Variants in CAMK2G observed in about 807,000 individuals in gnomAD.
The protein encoded by CAMK2G is calcium/calmodulin-dependent protein kinase type II subunit gamma.
In CAMK2G, 23 loss-of-function variants were observed where a neutral mutation model predicts 88.7. The observed-to-expected ratio is 0.26, with a 90% CI of 0.19 to 0.37. The LOEUF is 0.37. CAMK2G is among the 10% of genes least tolerant of loss of function. The pLI, the probability that CAMK2G is intolerant of heterozygous loss-of-function variation, is 1.00. For synonymous variants in CAMK2G, 263 were observed against 294.8 expected (o/e 0.89, Z 1.11); for missense variants, 476 against 780.8 (o/e 0.61, Z 4.65).
At chr10:73,837,625 TCCCGAAA>T in intron 13 of CAMK2G, 114 bp from the exon 14 acceptor site, 1 of 858,094 alleles carries the variant, frequency 1.2e-6, no homozygotes, top group Non-Finnish European at 2.0e-6. Flanking sequence ...GCCAAGGGTC[TCCCGAAA>T]CCCCCAAAAG....
At chr10:73,826,159 A>G (rs888859213) in intron 15 of CAMK2G, among the ~76,000 whole-genome samples, 8 of 152,166 alleles carry the variant, frequency 5.3e-5, no homozygotes, top group Non-Finnish European at 7.3e-5. Flanking sequence ...GTGGGTGGGC[A>G]CGGTGGCTCA....
chr10:73,872,336 G>C (rs535855501), intron 2 of CAMK2G, among the ~76,000 whole-genome samples: 1 of 72,678 alleles, frequency 1.4e-5, no homozygotes, highest in East Asian at 2.7e-4. Context: ...TGCCCAAACC[G>C]GGCCTTTGGG....
At chr10:73,852,945 A>G (rs894986180) in intron 4 of CAMK2G, 2 of 562,836 alleles carry the variant, frequency 3.6e-6, no homozygotes, top group Non-Finnish European at 6.3e-6. Flanking sequence ...GCATCTGTGC[A>G]AGGCGTGCTG....
rs1029330531 is a variant in CAMK2G, at chr10:73,832,083, T to TA, written c.1054-3963dup. On this transcript the variant is annotated intron_variant, in intron 14 of 22. Coordinates refer to ENST00000423381, the MANE Select transcript of CAMK2G (RefSeq NM_001367534.1). ...TTTACTTTAAAAAAAAAATAGTATT[T>TA]AAAAAAAATTCTGATAACAGTAGTG... 5.3e-5 allele frequency among the ~76,000 whole-genome samples: 8 copies of TA among 151,250 alleles called. No homozygotes were observed. In the East Asian group the frequency reaches 1.4e-3, roughly 26 times the overall value.
rs565370376 is a variant in CAMK2G, at chr10:73,812,909, G to C, written c.*1609C>G. On this transcript the variant is annotated 3_prime_UTR_variant, in exon 23 of 23. Coordinates refer to ENST00000423381, the MANE Select transcript of CAMK2G (RefSeq NM_001367534.1). Reference sequence around the variant, plus strand: ...TGGGACATGCATGAGGTGCTCGGAGGAGCCTGGCTAAATCCAAGCACCAGC... The same window carrying C: ...TGGGACATGCATGAGGTGCTCGGAGCAGCCTGGCTAAATCCAAGCACCAGC... The C allele has an allele frequency of 6.5e-6, 1 of 152,744 alleles. No homozygotes were observed. The highest frequency in any genetic ancestry group is 1.9e-4 in the East Asian group (1 of 5,202). The allele number at this position is 152,744 out of a possible 1,614,324, so 9.5% of individuals were successfully genotyped here. A position where few individuals can be genotyped will look rare whatever the true frequency, so the allele number is the denominator to read the frequency against.
chr10:73,865,349 C>T (rs977353868), intron 2 of CAMK2G, among the ~76,000 whole-genome samples: 6 of 152,176 alleles, frequency 3.9e-5, no homozygotes, highest in African/African-American at 9.7e-5. Flanking sequence ...TGCCACTGTC[C>T]GCTTCCCTCC....
chr10:73,831,381 T>C (rs2092403979), intron 14 of CAMK2G, among the ~76,000 whole-genome samples: 1 of 151,064 alleles, frequency 6.6e-6, no homozygotes, highest in Non-Finnish European at 1.5e-5. Context: ...CTACTAAAAA[T>C]ATAAAAATTA....
intron 10 of CAMK2G, among the ~76,000 whole-genome samples, chr10:73,844,024 ATCT>A (rs1447013287): frequency 6.6e-6 from 1 of 152,130 alleles, no homozygotes; most frequent in Non-Finnish European, 1.5e-5. Flanking sequence ...ATTAGCAAGG[ATCT>A]TCAACTCTTT....
At chr10:73,824,990 G>T (rs1197150291) in intron 16 of CAMK2G, among the ~76,000 whole-genome samples, 1 of 152,238 alleles carries the variant, frequency 6.6e-6, no homozygotes, top group African/African-American at 2.4e-5. Context: ...AGACCCACTA[G>T]GGGTCCTGGG....
chr10:73,873,381 A>C, intron 1 of CAMK2G: 1 of 1,275,716 alleles, frequency 7.8e-7, no homozygotes, highest in Non-Finnish European at 1.0e-6. Context: ...CGATGCTGAA[A>C]ACACACACCT....
intron 3 of CAMK2G, among the ~76,000 whole-genome samples, chr10:73,853,849 A>G (rs1436120959): frequency 6.6e-6 from 1 of 152,234 alleles, no homozygotes; most frequent in Non-Finnish European, 1.5e-5. Context: ...TACATTACTG[A>G]TTCTGCAAGC....
At chr10:73,837,591 G>C in intron 13 of CAMK2G, 80 bp from the exon 14 acceptor site, 5 of 1,140,092 alleles carry the variant, frequency 4.4e-6, no homozygotes. Flanking sequence ...AGATCCACAA[G>C]AGAGTGCTGT....
At chr10:73,822,518 C>A (rs1405260742) in intron 17 of CAMK2G, among the ~76,000 whole-genome samples, 2 of 152,162 alleles carry the variant, frequency 1.3e-5, no homozygotes, top group Non-Finnish European at 2.9e-5. Context: ...AAAGTGTCAA[C>A]TAGATTCTGT....
At chr10:73,833,154 G>A (rs1320482945) in intron 14 of CAMK2G, among the ~76,000 whole-genome samples, 1 of 150,224 alleles carries the variant, frequency 6.7e-6, no homozygotes, top group African/African-American at 2.5e-5. Flanking sequence ...TAAGAGATGG[G>A]GTCTCACTAC....
chr10:73,865,278 C>G (rs1309930905), intron 2 of CAMK2G, among the ~76,000 whole-genome samples: 1 of 152,192 alleles, frequency 6.6e-6, no homozygotes, highest in African/African-American at 2.4e-5. Context: ...CCTGTGTCTA[C>G]AGTCTGCAGG....
At chr10:73,829,266 T>TTTTTTTTATTTA (rs371757319) in intron 14 of CAMK2G, among the ~76,000 whole-genome samples, 6 of 140,980 alleles carry the variant, frequency 4.3e-5, no homozygotes, top group Non-Finnish European at 7.7e-5. Context: ...TACATTGGCC[T>TTTTTTTTATTTA]TTTATTTATT....
intron 14 of CAMK2G, among the ~76,000 whole-genome samples, chr10:73,835,100 G>C (rs1019452100): frequency 6.6e-6 from 1 of 152,002 alleles, no homozygotes; most frequent in African/African-American, 2.4e-5. Context: ...CTCAATTCCT[G>C]GCCATCTCCT....
In CAMK2G at chr10:73,839,456, G is replaced by T. The variant is rs1368233809; in HGVS notation, c.1009+83C>A. On this transcript the variant is annotated intron_variant, in intron 13 of 22. Coordinates refer to ENST00000423381, the MANE Select transcript of CAMK2G (RefSeq NM_001367534.1). The surrounding 1 kb of genome is among the most constrained non-coding windows in gnomAD (Gnocchi z 4.2). ...CGCAAGCATGGGACTCGCCTCCCTGGTGAGTGGGCCCGGCATGCTGGCCCT... is the reference window on the plus strand; with the variant it reads ...CGCAAGCATGGGACTCGCCTCCCTGTTGAGTGGGCCCGGCATGCTGGCCCT... 4.0e-6 allele frequency: 3 copies of T among 755,134 alleles called. No individual in the cohort carries two copies. The highest frequency in any genetic ancestry group is 5.4e-6 in the Non-Finnish European group (3 of 552,182). 46.8% of individuals were successfully genotyped at this position (755,134 alleles called of 1,614,324 possible).
At chr10:73,861,576 G>A (rs889060039) in intron 2 of CAMK2G, among the ~76,000 whole-genome samples, 1 of 152,042 alleles carries the variant, frequency 6.6e-6, no homozygotes, top group Non-Finnish European at 1.5e-5. Flanking sequence ...GGTTGGTCTC[G>A]AACTCCTGAC....
Sources: allele counts gnomAD v4.1 joint callset (sites outside exome capture counted in the v4.1 genomes callset), GRCh38; gene constraint gnomAD v4.1.1; non-coding constraint Gnocchi (gnomAD v3.1); transcripts MANE v1.5; gene names NCBI Gene and HGNC (gene_info 2026-07-23, HGNC 2026-07-21).